Variants in KIAA1143 observed in about 807,000 individuals in gnomAD.
KIAA1143 encodes KIAA1143.
KIAA1143 carries 8 observed loss-of-function variants against 17.0 expected under a neutral mutation model. The ratio of observed to expected loss-of-function variants is 0.47; its 90% confidence interval spans 0.28 to 0.85. KIAA1143 has a LOEUF of 0.85. Ranked by LOEUF, KIAA1143 falls within the 40% of genes least tolerant of loss-of-function variation. The probability of loss-of-function intolerance (pLI) is 0.12; values close to 1 mark genes in which losing one functional copy is unlikely to be tolerated. For missense variants in KIAA1143, 162 were observed against 183.3 expected (o/e 0.88, Z 0.67); for synonymous variants, 64 against 67.8 (o/e 0.94, Z 0.27).
At chr3:44,760,981 T>A (rs1477566454) in intron 1 of KIAA1143, among the ~76,000 whole-genome samples, 1 of 152,228 alleles carries the variant, frequency 6.6e-6, no homozygotes, top group African/African-American at 2.4e-5. Flanking sequence ...CGTGAGCCAC[T>A]GTGCCCGACC....
At chr3:44,755,207 C>G (rs1037103343) in intron 1 of KIAA1143, among the ~76,000 whole-genome samples, 3 of 152,130 alleles carry the variant, frequency 2.0e-5, no homozygotes, top group Non-Finnish European at 2.9e-5. Context: ...TTTATTTGAC[C>G]AGCATCTTGT....
chr3:44,754,327 A>G lies in KIAA1143; in HGVS notation c.150T>C (p.Ser50=), dbSNP rs758188724. The G allele has an allele frequency of 6.2e-7, 1 of 1,613,992 alleles. No homozygotes were observed. The highest frequency in any genetic ancestry group is 1.1e-5 in the South Asian group (1 of 91,078). ...PQPPDEDGDH[S]DKEDEQPQVV... ...CTTGAGGCTGTTCATCTTCTTTGTC[A>G]CTGTGATCCCCATCTTCATCTGGGG... The change falls in exon 2 of 3, where the codon AGT becomes AGC. Residue 50 remains serine (S), a synonymous_variant. Transcript: ENST00000296121.
At position 44,749,840 on chromosome 3, in the gene KIAA1143, G is replaced by A. The variant is rs529092513; in HGVS notation, c.*3501C>T. The stretch of plus-strand genomic sequence containing the variant: ...AGTTCTTACTCTGTTGCCCAGGCTG[G>A]AGTGCAGTGGTGCAATCATAGCTCA... On this transcript the variant is annotated 3_prime_UTR_variant, in exon 3 of 3. Transcript: ENST00000296121. 6.6e-6 allele frequency: 1 copy of A among 152,148 alleles called. No homozygotes were observed. Among genetic ancestry groups the A allele is most frequent in the Admixed American group, 6.5e-5 (1 of 15,284 alleles). The allele number at this position is 152,148 out of a possible 1,614,324, so 9.4% of individuals were successfully genotyped here.
intron 1 of KIAA1143, 120 bp downstream of exon 1, chr3:44,761,375 A>C: frequency 1.4e-6 from 1 of 696,360 alleles, no homozygotes; most frequent in Non-Finnish European, 2.5e-6. Context: ...TTCCACCGGA[A>C]TTGGGTTCGA....
intron 1 of KIAA1143, among the ~76,000 whole-genome samples, chr3:44,760,972 G>C (rs548641128): frequency 1.1e-4 from 16 of 152,202 alleles, no homozygotes; most frequent in Non-Finnish European, 2.2e-4. Flanking sequence ...GATTACAGGC[G>C]TGAGCCACTG....
In KIAA1143 at chr3:44,749,044, C is replaced by T. The variant is rs1278465414; in HGVS notation, c.*4297G>A. On this transcript the variant is annotated 3_prime_UTR_variant, in exon 3 of 3. Transcript: ENST00000296121. Reference sequence around the variant, plus strand: ...TTAGAGAGAGCCTATTTCAGGTCTTCCTAGCTCATCCACACACATCACCTT... The same window carrying T: ...TTAGAGAGAGCCTATTTCAGGTCTTTCTAGCTCATCCACACACATCACCTT... 1.3e-5 allele frequency: 2 copies of T among 152,074 alleles called. No individual in the cohort carries two copies. Among genetic ancestry groups the T allele is most frequent in the East Asian group, 3.9e-4 (2 of 5,182 alleles). 9.4% of individuals were successfully genotyped at this position (152,074 alleles called of 1,614,324 possible). A position where few individuals can be genotyped will look rare whatever the true frequency, so the allele number is the denominator to read the frequency against.
In KIAA1143 at chr3:44,749,665, C is replaced by T. The variant is rs1452964362; in HGVS notation, c.*3676G>A. ...TGGCCTTTCAAATAAATGAGAAACACATGGTTCTAGGACAATTGATTATTT... is the reference window on the plus strand; with the variant it reads ...TGGCCTTTCAAATAAATGAGAAACATATGGTTCTAGGACAATTGATTATTT... On this transcript the variant is annotated 3_prime_UTR_variant, in exon 3 of 3. Coordinates refer to ENST00000296121, the MANE Select transcript of KIAA1143 (RefSeq NM_020696.4). 1 of 152,086 alleles carries T rather than the reference C, an allele frequency of 6.6e-6. No homozygotes were observed. Among genetic ancestry groups the T allele is most frequent in the African/African-American group, 2.4e-5 (1 of 41,404 alleles). The allele number at this position is 152,086 out of a possible 1,614,324, so 9.4% of individuals were successfully genotyped here. A position where few individuals can be genotyped will look rare whatever the true frequency, so the allele number is the denominator to read the frequency against.
chr3:44,761,443 A>G, intron 1 of KIAA1143, 52 bp downstream of exon 1: 1 of 1,476,332 alleles, frequency 6.8e-7, no homozygotes, highest in Non-Finnish European at 9.4e-7. Context: ...GCAAAAGTTG[A>G]AAGTGGCGGG....
chr3:44,756,421 G>A (rs1360027466), intron 1 of KIAA1143, among the ~76,000 whole-genome samples: 9 of 152,142 alleles, frequency 5.9e-5, no homozygotes, highest in South Asian at 4.1e-4. Context: ...AAATTACCTC[G>A]GTGTGGTGGT....
intron 1 of KIAA1143, among the ~76,000 whole-genome samples, chr3:44,759,615 C>T (rs904326361): frequency 6.6e-6 from 1 of 152,032 alleles, no homozygotes; most frequent in Admixed American, 6.6e-5. Flanking sequence ...TATGAAAGTC[C>T]TAAATGGCCC....
chr3:44,749,732 G>C lies in KIAA1143; in HGVS notation c.*3609C>G, dbSNP rs1704868320. On this transcript the variant is annotated 3_prime_UTR_variant, in exon 3 of 3. Coordinates refer to ENST00000296121, the MANE Select transcript of KIAA1143 (RefSeq NM_020696.4). ...CTAATAAATTCCAGATAGAATAAAG[G>C]TTAATGTGAATAAACAAAAACAAAG... 1 of 152,134 alleles carries C rather than the reference G, an allele frequency of 6.6e-6. No individual in the cohort carries two copies. Among genetic ancestry groups the C allele is most frequent in the South Asian group, 2.1e-4 (1 of 4,830 alleles). The allele number at this position is 152,134 out of a possible 1,614,324, so 9.4% of individuals were successfully genotyped here.
chr3:44,750,304 T>C lies in KIAA1143; in HGVS notation c.*3037A>G, dbSNP rs1704878078. 6.6e-6 allele frequency: 1 copy of C among 152,236 alleles called. No individual in the cohort carries two copies. The highest frequency in any genetic ancestry group is 1.5e-5 in the Non-Finnish European group (1 of 68,042). 9.4% of individuals were successfully genotyped at this position (152,236 alleles called of 1,614,324 possible). ...CTTATATTAGGCTTATTTGTAATGT[T>C]TGAATTATACAGGAAACATTGTCAA... On this transcript the variant is annotated 3_prime_UTR_variant, in exon 3 of 3. Coordinates refer to ENST00000296121, the MANE Select transcript of KIAA1143 (RefSeq NM_020696.4).
chr3:44,760,717 G>A (rs372081315), intron 1 of KIAA1143, among the ~76,000 whole-genome samples: 249 of 128,940 alleles, frequency 1.9e-3, no homozygotes, highest in African/African-American at 7.0e-3. Context: ...ACGGAGTCTC[G>A]CTCTGTTGTC....
chr3:44,754,098 T>A, intron 2 of KIAA1143, 126 bp downstream of exon 2: 1 of 843,452 alleles, frequency 1.2e-6, no homozygotes, highest in Non-Finnish European at 1.9e-6. Context: ...ATCTGGTAAG[T>A]GTCAAAGCTA....
At position 44,760,566 on chromosome 3, in the gene KIAA1143, T is replaced by C. The variant is rs538440791; in HGVS notation, c.108+929A>G. Among the ~76,000 whole-genome samples, 450 of 152,130 alleles carry C rather than the reference T, an allele frequency of 3.0e-3. 4 individuals carry two copies. The highest frequency in any genetic ancestry group is 0.01 in the African/African-American group (430 of 41,492). ...CACCATGCCTGGCTAATTTTTTGTA[T>C]TTTTAGTAGAGACGCGGTTTCACTG... is the stretch of plus-strand genomic sequence containing the variant. On this transcript the variant is annotated intron_variant, in intron 1 of 2. Transcript: ENST00000296121.
At position 44,754,354 on chromosome 3, in the gene KIAA1143, C is replaced by T; in HGVS notation, c.123G>A (p.Gln41=). The T allele has an allele frequency of 6.2e-7, 1 of 1,613,924 alleles. No homozygotes were observed. ...PTVETKRIQP[Q]PPDEDGDHSD... ...TGTGATCCCCATCTTCATCTGGGGG[C>T]TGAGGCTGAATTCTCTAGGGAAAAA... is the stretch of plus-strand genomic sequence containing the variant. Residue 41 remains glutamine (Q), a synonymous_variant, in exon 2 of 3, where the codon CAG becomes CAA. Transcript: ENST00000296121.
Position 44,751,234 on chromosome 3 carries a change from C to G in KIAA1143, c.*2107G>C, listed in dbSNP as rs1459707126. The stretch of plus-strand genomic sequence containing the variant: ...GACTGGAGACAGAAATATTGTATGT[C>G]CCTAAATTAATATAGCTCCCAACAA... On this transcript the variant is annotated 3_prime_UTR_variant, in exon 3 of 3. Transcript: ENST00000296121. 5.9e-5 allele frequency: 9 copies of G among 151,858 alleles called. No homozygotes were observed. Among genetic ancestry groups the G allele is most frequent in the Admixed American group, 5.2e-4 (8 of 15,244 alleles). 9.4% of individuals were successfully genotyped at this position (151,858 alleles called of 1,614,324 possible).
At chr3:44,757,476 C>G (rs1043132431) in intron 1 of KIAA1143, among the ~76,000 whole-genome samples, 1 of 152,164 alleles carries the variant, frequency 6.6e-6, no homozygotes, top group African/African-American at 2.4e-5. Flanking sequence ...TCTAAATATC[C>G]CTCCTCCACG....
chr3:44,758,992 T>G (rs1705016336), intron 1 of KIAA1143, among the ~76,000 whole-genome samples: 1 of 151,838 alleles, frequency 6.6e-6, no homozygotes, highest in African/African-American at 2.4e-5. Context: ...GCCTCCCAAG[T>G]AGCTGGGACC....
Sources: allele counts gnomAD v4.1 joint callset (sites outside exome capture counted in the v4.1 genomes callset), GRCh38; gene constraint gnomAD v4.1.1; transcripts MANE v1.5; gene names NCBI Gene and HGNC (gene_info 2026-07-23, HGNC 2026-07-21).